Variants in NTNG1 observed in about 807,000 individuals in gnomAD.
NTNG1 encodes the protein netrin-G1.
A neutral mutation model predicts 54.0 loss-of-function variants in NTNG1; 16 were observed. That is an observed-to-expected ratio of 0.30 (90% CI 0.20 to 0.45). NTNG1 has a LOEUF of 0.45. NTNG1 is among the 20% of genes least tolerant of loss of function. The probability of loss-of-function intolerance (pLI) is 1.00; values close to 1 mark genes in which losing one functional copy is unlikely to be tolerated. For missense variants in NTNG1, 530 were observed against 678.7 expected (o/e 0.78, Z 2.43); for synonymous variants, 255 against 263.1 (o/e 0.97, Z 0.30).
At chr1:107,398,872 A>T (rs1360859671) in intron 4 of NTNG1, among the ~76,000 whole-genome samples, 1 of 152,126 alleles carries the variant, frequency 6.6e-6, no homozygotes. Flanking sequence ...ATGCTTAATT[A>T]TGATTCTCTT....
intron 2 of NTNG1, among the ~76,000 whole-genome samples, chr1:107,315,333 T>A (rs1194563346): frequency 1.3e-5 from 2 of 152,190 alleles, no homozygotes; most frequent in Admixed American, 6.5e-5. Flanking sequence ...GCTCTGCTTC[T>A]GCTGCCTACC....
intron 3 of NTNG1, among the ~76,000 whole-genome samples, chr1:107,355,317 T>G (rs1185483088): frequency 6.6e-6 from 1 of 152,054 alleles, no homozygotes; most frequent in Non-Finnish European, 1.5e-5. Context: ...CTTTTTCCAC[T>G]GATTCTCACA....
intron 2 of NTNG1, among the ~76,000 whole-genome samples, chr1:107,187,087 G>A (rs1348994199): frequency 6.6e-6 from 1 of 152,056 alleles, no homozygotes; most frequent in Admixed American, 6.6e-5. Flanking sequence ...AGTCTCTGTT[G>A]CCTCTAGAGA....
intron 3 of NTNG1, among the ~76,000 whole-genome samples, chr1:107,358,157 T>G (rs1230569153): frequency 3.9e-5 from 6 of 152,134 alleles, no homozygotes; most frequent in Non-Finnish European, 8.8e-5. Flanking sequence ...AACCTGAAAG[T>G]AAATACCTAA....
Position 107,414,779 on chromosome 1 carries a change from A to G in NTNG1, c.1087+7071A>G, listed in dbSNP as rs146821108. 1.3e-4 allele frequency among the ~76,000 whole-genome samples: 20 copies of G among 152,330 alleles called. No individual in the cohort carries two copies. In the East Asian group the frequency reaches 3.9e-3, roughly 29 times the overall value. On this transcript the variant is annotated intron_variant, in intron 5 of 7. Transcript: ENST00000370068. ...AATATTAACTCATTCTGTCTTGACA[A>G]CAATGAGTAGCAGACAGTGTCATTA...
chr1:107,338,688 TATC>T (rs1296058059), intron 3 of NTNG1, among the ~76,000 whole-genome samples: 4 of 151,874 alleles, frequency 2.6e-5, no homozygotes, highest in Non-Finnish European at 5.9e-5. Flanking sequence ...AAGCATGTCT[TATC>T]ATGCTGACTC....
chr1:107,211,348 C>T (rs1659586650), intron 2 of NTNG1, among the ~76,000 whole-genome samples: 1 of 152,046 alleles, frequency 6.6e-6, no homozygotes, highest in African/African-American at 2.4e-5. Flanking sequence ...TATCTTCATA[C>T]ATATGTAATA....
At chr1:107,361,620 T>A (rs1670308638) in intron 3 of NTNG1, among the ~76,000 whole-genome samples, 1 of 151,654 alleles carries the variant, frequency 6.6e-6, no homozygotes, top group African/African-American at 2.4e-5. Context: ...ACTCCTGATC[T>A]CAAGTGATCC....
At position 107,340,534 on chromosome 1, in the gene NTNG1, T is replaced by C. The variant is rs578038936; in HGVS notation, c.887+15612T>C. 4.6e-5 allele frequency among the ~76,000 whole-genome samples: 7 copies of C among 152,236 alleles called. No individual in the cohort carries two copies. The East Asian group carries it at 1.4e-3, about 29-fold the overall frequency. On this transcript the variant is annotated intron_variant, in intron 3 of 7. Transcript: ENST00000370068. ...TTAAACCAAGAGGCTTCTTTGCAAT[T>C]TGATTATTTGCTGCTTTCCTTGATA... is the stretch of plus-strand genomic sequence containing the variant.
intron 2 of NTNG1, among the ~76,000 whole-genome samples, chr1:107,321,678 A>G (rs1011653488): frequency 3.9e-4 from 59 of 152,256 alleles, no homozygotes; most frequent in African/African-American, 1.3e-3. Flanking sequence ...GAAGCTAAAC[A>G]AGGTTCTTAA....
chr1:107,465,790 G>A (rs1386962843), intron 7 of NTNG1, among the ~76,000 whole-genome samples: 1 of 151,998 alleles, frequency 6.6e-6, no homozygotes, highest in African/African-American at 2.4e-5. Flanking sequence ...GTCGCCAGGA[G>A]GACTTATGTA....
In NTNG1 at chr1:107,324,263, T is replaced by C; in HGVS notation, c.247-19T>C. 6.2e-7 allele frequency: 1 copy of C among 1,607,406 alleles called. No homozygotes were observed. The highest frequency in any genetic ancestry group is 8.5e-7 in the Non-Finnish European group (1 of 1,175,000). ...CAAACCAGTGTTTTGATGCACGCTC[T>C]TTTGTTCTTCTTCCATAGGGCAATC... On this transcript the variant is annotated intron_variant, in intron 2 of 7. Coordinates refer to ENST00000370068, the MANE Select transcript of NTNG1 (RefSeq NM_001113226.3).
chr1:107,457,686 T>C (rs140124014), intron 7 of NTNG1, among the ~76,000 whole-genome samples: 26 of 152,268 alleles, frequency 1.7e-4, no homozygotes, highest in African/African-American at 5.8e-4. Flanking sequence ...CACATTCTTT[T>C]ATAAATATTA....
In NTNG1 at chr1:107,213,343, T is replaced by C. The variant is rs545280472; in HGVS notation, c.246+64504T>C. On this transcript the variant is annotated intron_variant, in intron 2 of 7. Transcript: ENST00000370068. ...ACAAGAAATCGTGTTAAAGGACATA[T>C]TATTAAGACCTGGCTAACCATTGGC... Among the ~76,000 whole-genome samples, 10 of 152,258 alleles carry C rather than the reference T, an allele frequency of 6.6e-5. No individual in the cohort carries two copies. In the South Asian group the frequency reaches 2.1e-3, roughly 32 times the overall value.
chr1:107,410,896 C>G (rs1318053857), intron 5 of NTNG1, among the ~76,000 whole-genome samples: 6 of 152,144 alleles, frequency 3.9e-5, no homozygotes, highest in Middle Eastern at 6.8e-3. Context: ...GCCTAATGTG[C>G]AAATACATTT....
intron 6 of NTNG1, among the ~76,000 whole-genome samples, chr1:107,433,793 A>T (rs1570952260): frequency 6.6e-6 from 1 of 152,176 alleles, no homozygotes; most frequent in African/African-American, 2.4e-5. Flanking sequence ...CGCTGAGGAC[A>T]GTGGTACTGG....
rs1678800697 is a variant in NTNG1, at chr1:107,482,671, T to C, written c.*1831T>C. 6.6e-6 allele frequency: 1 copy of C among 152,104 alleles called. No individual in the cohort carries two copies. The highest frequency in any genetic ancestry group is 2.1e-4 in the South Asian group (1 of 4,818). The allele number at this position is 152,104 out of a possible 1,614,324, so 9.4% of individuals were successfully genotyped here. On this transcript the variant is annotated 3_prime_UTR_variant, in exon 8 of 8. Coordinates refer to ENST00000370068, the MANE Select transcript of NTNG1 (RefSeq NM_001113226.3). ...TTGGTAGAACAATAACCTATGATAG[T>C]GTAAGGTCAGAAACCTAGTTCCAGT...
intron 2 of NTNG1, among the ~76,000 whole-genome samples, chr1:107,189,220 T>A (rs7555297): frequency 3.3e-5 from 5 of 151,822 alleles, no homozygotes; most frequent in African/African-American, 1.2e-4. Flanking sequence ...GAGTGGTAGT[T>A]CACGCCTGTA....
Position 107,482,930 on chromosome 1 carries a change from T to C in NTNG1, c.*2090T>C, listed in dbSNP as rs962669171. The C allele has an allele frequency of 6.6e-6, 1 of 152,206 alleles. No homozygotes were observed. Among genetic ancestry groups the C allele is most frequent in the Non-Finnish European group, 1.5e-5 (1 of 68,034 alleles). 9.4% of individuals were successfully genotyped at this position (152,206 alleles called of 1,614,324 possible). On this transcript the variant is annotated 3_prime_UTR_variant, in exon 8 of 8. Transcript: ENST00000370068. ...TTGTTATTCAAACCAACAGTCTCTT[T>C]TGATGTAAGAAATAAGGAAAGATGG...
Sources: gnomAD v4.1 joint callset for allele counts (sites outside exome capture counted in the v4.1 genomes callset) on GRCh38, gnomAD v4.1.1 for gene constraint, MANE v1.5 for transcripts, NCBI Gene and HGNC (gene_info 2026-07-23, HGNC 2026-07-21) for gene names.